ARHGAP5: variants seen among roughly 807,000 people sequenced by gnomAD.
ARHGAP5 encodes Rho GTPase activating protein 5, also known as rho GTPase-activating protein 5.
In ARHGAP5, 23 loss-of-function variants were observed where a neutral mutation model predicts 116.6. The observed-to-expected ratio is 0.20, with a 90% CI of 0.14 to 0.28. ARHGAP5 has a LOEUF of 0.28. Among genes scored for constraint, ARHGAP5 ranks in the 10% least tolerant of loss-of-function variants. ARHGAP5 has a pLI of 1.00. For synonymous variants in ARHGAP5, 574 were observed against 602.0 expected, an observed-to-expected ratio of 0.95 and a Z score of 0.68; for missense variants, 1,405 against 1,774.8, an observed-to-expected ratio of 0.79 and a Z score of 3.74.
rs988176972 is a variant in ARHGAP5 at position 32,157,256 on chromosome 14, G to A, written c.*2308G>A. On this transcript the variant is annotated 3_prime_UTR_variant, in exon 7 of 7. Coordinates refer to ENST00000345122, the MANE Select transcript of ARHGAP5 (RefSeq NM_001030055.2). ...AATTGATTGTGTTTGTTTTTGCCAAGGGTTTAGATATGCTTTTAAATATTA... is the reference window on the plus strand; with the variant it reads ...AATTGATTGTGTTTGTTTTTGCCAAAGGTTTAGATATGCTTTTAAATATTA... 2 of 152,036 alleles carry A rather than the reference G, an allele frequency of 1.3e-5. No homozygotes were observed. Among genetic ancestry groups the A allele is most frequent in the Non-Finnish European group, 3.0e-5 (2 of 67,722 alleles). 9.4% of individuals were successfully genotyped at this position (152,036 alleles called of 1,614,324 possible).
chr14:32,123,317 C>T (rs1594372780), intron 3 of ARHGAP5, among the ~76,000 whole-genome samples: 1 of 151,922 alleles, frequency 6.6e-6, no homozygotes, highest in East Asian at 1.9e-4. Flanking sequence ...CTTCCATTTC[C>T]CACTCCTTAT....
At chr14:32,097,311 T>C (rs776903836) in intron 2 of ARHGAP5, among the ~76,000 whole-genome samples, 28 of 152,136 alleles carry the variant, frequency 1.8e-4, no homozygotes, top group Non-Finnish European at 3.1e-4. Context: ...TTATATCAGA[T>C]GTGCAAAGGG....
At chr14:32,120,479 T>C (rs114954051) in intron 3 of ARHGAP5, among the ~76,000 whole-genome samples, 3,176 of 152,092 alleles carry the variant, frequency 0.021, 117 homozygotes, top group African/African-American at 0.072. Context: ...ATTACTGTGT[T>C]AGACCAGTTT....
chr14:32,083,196 C>T (rs2041795801), intron 1 of ARHGAP5, among the ~76,000 whole-genome samples: 2 of 152,254 alleles, frequency 1.3e-5, no homozygotes, highest in South Asian at 4.1e-4. Context: ...ACTATGGCCT[C>T]TGGGCCAAAT....
intron 2 of ARHGAP5, among the ~76,000 whole-genome samples, chr14:32,111,185 G>T (rs1452529205): frequency 6.6e-6 from 1 of 152,190 alleles, no homozygotes; most frequent in Non-Finnish European, 1.5e-5. Flanking sequence ...GAGAATTAAG[G>T]CCAAGGTGTT....
At position 32,077,432 on chromosome 14, in the gene ARHGAP5, TTAGG is replaced by T. The variant is rs1174441956; in HGVS notation, c.-169+2_-169+5del. Reference sequence around the variant, plus strand: ...GAGGAGACGGAGGAGACCGACGTTGTTAGGTAGGACCTTGCGGACCCCGCTCCTC... The same window carrying T: ...GAGGAGACGGAGGAGACCGACGTTGTTAGGACCTTGCGGACCCCGCTCCTC... On this transcript the variant is annotated splice_donor_variant and 5_prime_UTR_variant, in exon 1 of 7. Coordinates refer to ENST00000345122, the MANE Select transcript of ARHGAP5 (RefSeq NM_001030055.2). LOFTEE classifies it low-confidence loss of function (5UTR_SPLICE). 1.4e-6 allele frequency: 1 copy of T among 705,752 alleles called. No homozygotes were observed. Among genetic ancestry groups the T allele is most frequent in the Non-Finnish European group, 2.6e-6 (1 of 386,926 alleles). The allele number at this position is 705,752 out of a possible 1,614,324, so 43.7% of individuals were successfully genotyped here. A position where few individuals can be genotyped will look rare whatever the true frequency, so the allele number is the denominator to read the frequency against.
At chr14:32,142,866 C>T (rs866111899) in intron 3 of ARHGAP5, among the ~76,000 whole-genome samples, 4 of 152,132 alleles carry the variant, frequency 2.6e-5, no homozygotes, top group African/African-American at 7.2e-5. Flanking sequence ...GCTCATTAGT[C>T]GCTTTTGTTG....
intron 3 of ARHGAP5, among the ~76,000 whole-genome samples, chr14:32,133,814 G>C (rs1008113335): frequency 1.3e-5 from 2 of 152,116 alleles, no homozygotes; most frequent in African/African-American, 4.8e-5. Flanking sequence ...TTTTGTCAAA[G>C]GCCTTTTCTG....
At chr14:32,127,576 C>G (rs12888846) in intron 3 of ARHGAP5, among the ~76,000 whole-genome samples, 1 of 152,254 alleles carries the variant, frequency 6.6e-6, no homozygotes, top group Non-Finnish European at 1.5e-5. Context: ...CTACTTCTTT[C>G]TACGCAGACA....
chr14:32,077,531 G>A (rs2041719528), intron 1 of ARHGAP5, 96 bp downstream of exon 1: 2 of 629,928 alleles, frequency 3.2e-6, no homozygotes, highest in Admixed American at 2.5e-5. Context: ...CGCCGCTGCC[G>A]GTTGTAACCA....
chr14:32,113,883 C>T (rs1879427815), intron 2 of ARHGAP5, among the ~76,000 whole-genome samples: 2 of 152,142 alleles, frequency 1.3e-5, no homozygotes, highest in South Asian at 4.1e-4. Flanking sequence ...GTTAAGATCC[C>T]TTCCTTCCTG....
chr14:32,138,362 G>T (rs1311004546), intron 3 of ARHGAP5, among the ~76,000 whole-genome samples: 1 of 152,196 alleles, frequency 6.6e-6, no homozygotes, highest in African/African-American at 2.4e-5. Flanking sequence ...TCTGCTCACT[G>T]CAACCTCCAC....
At chr14:32,117,400 T>G (rs1331246553) in intron 3 of ARHGAP5, 113 bp downstream of exon 3, 5 of 1,017,534 alleles carry the variant, frequency 4.9e-6, no homozygotes, top group Non-Finnish European at 6.9e-6. Flanking sequence ...TTAGGATTAT[T>G]TAGTATTAAC....
At chr14:32,150,300 G>A (rs1881582906) in intron 5 of ARHGAP5, among the ~76,000 whole-genome samples, 1 of 152,150 alleles carries the variant, frequency 6.6e-6, no homozygotes. Context: ...TTTGAGGTTT[G>A]TGTTTTTAAT....
chr14:32,084,699 T>C (rs1340965795), intron 1 of ARHGAP5, among the ~76,000 whole-genome samples: 2 of 152,208 alleles, frequency 1.3e-5, no homozygotes, highest in African/African-American at 2.4e-5. Flanking sequence ...TATATTCTTG[T>C]TTCAAGACTA....
At position 32,131,482 on chromosome 14, in the gene ARHGAP5, T is replaced by C. The variant is rs549319397; in HGVS notation, c.3865+14195T>C. Among the ~76,000 whole-genome samples the C allele has an allele frequency of 2.0e-5, 3 of 152,324 alleles. No individual in the cohort carries two copies. In the South Asian group the frequency reaches 6.2e-4, roughly 32 times the overall value. On this transcript the variant is annotated intron_variant, in intron 3 of 6. Transcript: ENST00000345122. ...TTTGCATTTGGAAAAACTGAAACTG[T>C]ATTTTTATGAAACGCCAACCCCCCC... is the stretch of plus-strand genomic sequence containing the variant.
chr14:32,078,523 A>T (rs960157774), intron 1 of ARHGAP5, among the ~76,000 whole-genome samples: 2 of 152,218 alleles, frequency 1.3e-5, no homozygotes, highest in African/African-American at 2.4e-5. Context: ...ATAGGCAGGA[A>T]ACTGAATTTT....
intron 6 of ARHGAP5, chr14:32,153,967 T>A (rs1239390554): frequency 6.6e-6 from 1 of 151,726 alleles, no homozygotes; most frequent in Non-Finnish European, 1.5e-5. Context: ...AAGGGAAAAT[T>A]AGCCTGATAT....
chr14:32,119,182 ATTGT>A (rs560858973), intron 3 of ARHGAP5, among the ~76,000 whole-genome samples: 42 of 152,158 alleles, frequency 2.8e-4, no homozygotes, highest in Admixed American at 1.1e-3. Context: ...TGCCTACGAG[ATTGT>A]TTGTGTCTTT....
Sources: allele counts gnomAD v4.1 joint callset (sites outside exome capture counted in the v4.1 genomes callset), GRCh38; gene constraint gnomAD v4.1.1; transcripts MANE v1.5; gene names NCBI Gene and HGNC (gene_info 2026-07-23, HGNC 2026-07-21).